Variants in PRELID2 observed in about 807,000 individuals in gnomAD.
PRELID2 encodes PRELI domain containing 2, also known as PRELI domain-containing protein 2.
Under a neutral mutation model 28.4 loss-of-function variants are expected in PRELID2, and 25 were observed. That is an observed-to-expected ratio of 0.88 (90% CI 0.64 to 1.23). The LOEUF (loss-of-function observed/expected upper bound fraction) is 1.23, where lower values mean the gene tolerates loss of function less well. Ranked by LOEUF, PRELID2 falls within the 50% of genes most tolerant of loss-of-function variation. The pLI, the probability that PRELID2 is intolerant of heterozygous loss-of-function variation, is 0.00. For synonymous variants in PRELID2, 76 were observed against 71.6 expected, an observed-to-expected ratio of 1.06 and a Z score of -0.31; for missense variants, 201 against 214.4, an observed-to-expected ratio of 0.94 and a Z score of 0.39.
chr5:145,830,283 C>T (rs1561660358), intron 1 of PRELID2, among the ~76,000 whole-genome samples: 1 of 152,178 alleles, frequency 6.6e-6, no homozygotes, highest in Non-Finnish European at 1.5e-5. Context: ...GAAAGTCAAC[C>T]TTCTGAAGGT....
At chr5:145,632,190 C>T (rs1312022381) in intron 1 of PRELID2, among the ~76,000 whole-genome samples, 1 of 152,114 alleles carries the variant, frequency 6.6e-6, no homozygotes, top group African/African-American at 2.4e-5. Flanking sequence ...CTTAGGTAAA[C>T]AAGCCTCGGA....
the PRELID2 span, chr5:145,450,552 G>A: frequency 6.6e-6 from 1 of 152,234 alleles, no homozygotes; most frequent in African/African-American, 2.4e-5. Context: ...CCCAGGCCAT[G>A]ACCACAAAAT....
chr5:145,380,467 A>T, the PRELID2 span, among the ~76,000 whole-genome samples: 1 of 152,304 alleles, frequency 6.6e-6, no homozygotes, highest in South Asian at 2.1e-4. Flanking sequence ...GTTATTTTCT[A>T]AATGCCCCCA....
intron 1 of PRELID2, among the ~76,000 whole-genome samples, chr5:145,722,792 A>T (rs964742064): frequency 2.6e-5 from 4 of 151,962 alleles, no homozygotes; most frequent in African/African-American, 9.7e-5. Flanking sequence ...GAGCCACCAC[A>T]CCCGGCCCCA....
chr5:145,416,256 A>C, the PRELID2 span, among the ~76,000 whole-genome samples: 7 of 152,026 alleles, frequency 4.6e-5, no homozygotes, highest in Admixed American at 1.3e-4. Context: ...CACCTTATAC[A>C]AAAATTAATT....
intron 1 of PRELID2, among the ~76,000 whole-genome samples, chr5:145,593,193 A>G (rs779049338): frequency 2.0e-5 from 3 of 152,196 alleles, no homozygotes; most frequent in Non-Finnish European, 2.9e-5. Context: ...CATACGTCCT[A>G]GTCTTGTCTA....
intron 1 of PRELID2, among the ~76,000 whole-genome samples, chr5:145,635,914 C>T (rs1268000091): frequency 6.6e-6 from 1 of 152,208 alleles, no homozygotes; most frequent in Admixed American, 6.5e-5. Context: ...ATCTGGCTTA[C>T]ACATTTACAA....
chr5:145,357,603 G>C, the PRELID2 span, among the ~76,000 whole-genome samples: 9 of 152,024 alleles, frequency 5.9e-5, no homozygotes, highest in African/African-American at 2.2e-4. Context: ...ATTCAGTTTG[G>C]TTCTTTATTA....
the PRELID2 span, among the ~76,000 whole-genome samples, chr5:145,379,183 A>T: frequency 6.6e-6 from 1 of 152,094 alleles, no homozygotes; most frequent in Non-Finnish European, 1.5e-5. Flanking sequence ...TAATGATAGG[A>T]ATCCACTTCA....
intron 1 of PRELID2, among the ~76,000 whole-genome samples, chr5:145,603,341 A>G (rs2149639297): frequency 6.6e-6 from 1 of 151,034 alleles, no homozygotes; most frequent in Middle Eastern, 3.4e-3. Context: ...AATGATTACT[A>G]TCGACAAAGA....
chr5:145,644,982 GT>G (rs2149666706), intron 1 of PRELID2, among the ~76,000 whole-genome samples: 1 of 152,330 alleles, frequency 6.6e-6, no homozygotes, highest in East Asian at 1.9e-4. Flanking sequence ...TAAAAAGAAT[GT>G]ATATTCTGTT....
intron 1 of PRELID2, among the ~76,000 whole-genome samples, chr5:145,548,047 G>T (rs1231737915): frequency 6.6e-6 from 1 of 152,138 alleles, no homozygotes; most frequent in Non-Finnish European, 1.5e-5. Context: ...CAACTGTAAA[G>T]TCATAACCAA....
chr5:145,293,287 G>A, the PRELID2 span, among the ~76,000 whole-genome samples: 1 of 151,840 alleles, frequency 6.6e-6, no homozygotes, highest in African/African-American at 2.4e-5. Flanking sequence ...CAGATTTCTG[G>A]GGATTAGAAG....
chr5:145,671,246 T>A (rs1034469793), intron 1 of PRELID2, among the ~76,000 whole-genome samples: 1 of 152,132 alleles, frequency 6.6e-6, no homozygotes, highest in Non-Finnish European at 1.5e-5. Flanking sequence ...ATGGATATAG[T>A]TCATATAAAT....
the PRELID2 span, among the ~76,000 whole-genome samples, chr5:145,417,544 C>A: frequency 6.6e-6 from 1 of 152,256 alleles, no homozygotes; most frequent in Middle Eastern, 3.4e-3. Context: ...AAAAGCTTAT[C>A]CACCATGATC....
At chr5:145,404,719 G>A in the PRELID2 span, among the ~76,000 whole-genome samples, 2 of 152,326 alleles carry the variant, frequency 1.3e-5, no homozygotes, top group East Asian at 1.9e-4. Context: ...GGTAGAAGGT[G>A]TCTATAATCT....
the PRELID2 span, among the ~76,000 whole-genome samples, chr5:145,309,207 A>G: frequency 6.6e-6 from 1 of 152,210 alleles, no homozygotes; most frequent in Non-Finnish European, 1.5e-5. Flanking sequence ...ACAGGAAGTA[A>G]TCAACACAAG....
chr5:145,369,583 T>C, the PRELID2 span, among the ~76,000 whole-genome samples: 3 of 152,030 alleles, frequency 2.0e-5, no homozygotes, highest in African/African-American at 4.8e-5. Flanking sequence ...ACTAAACATA[T>C]ATGTGAATGC....
At chr5:145,502,080 G>A (rs948445008) in intron 1 of PRELID2, among the ~76,000 whole-genome samples, 1 of 152,108 alleles carries the variant, frequency 6.6e-6, no homozygotes, top group Non-Finnish European at 1.5e-5. Context: ...CTGAGACTGA[G>A]TAATTTATAA....
Sources: allele counts gnomAD v4.1 joint callset (sites outside exome capture counted in the v4.1 genomes callset), GRCh38; gene constraint gnomAD v4.1.1; transcripts MANE v1.5; gene names NCBI Gene and HGNC (gene_info 2026-07-23, HGNC 2026-07-21).